Variants in SNX5 observed in about 807,000 individuals in gnomAD.
The protein encoded by SNX5 is sorting nexin-5.
SNX5 carries 31 observed loss-of-function variants against 53.9 expected under a neutral mutation model. That is an observed-to-expected ratio of 0.58 (90% CI 0.43 to 0.78). SNX5 has a LOEUF of 0.78. Ranked by LOEUF, SNX5 falls within the 30% of genes least tolerant of loss-of-function variation. The pLI, the probability that SNX5 is intolerant of heterozygous loss-of-function variation, is 0.00. For synonymous variants in SNX5, 168 were observed against 171.1 expected (o/e 0.98, Z 0.14); for missense variants, 471 against 478.8 (o/e 0.98, Z 0.15).
chr20:17,960,199 G>A (rs1279114153), intron 1 of SNX5, among the ~76,000 whole-genome samples: 1 of 152,126 alleles, frequency 6.6e-6, no homozygotes, highest in African/African-American at 2.4e-5. Context: ...GGTGGCTCAC[G>A]CCTGCAATCC....
chr20:17,946,079 A>G (rs1600332408), intron 11 of SNX5, among the ~76,000 whole-genome samples: 1 of 152,204 alleles, frequency 6.6e-6, no homozygotes, highest in East Asian at 1.9e-4. Flanking sequence ...CCTCTTAGGT[A>G]AGGACTACAT....
At chr20:17,962,738 T>C (rs750092711) in intron 1 of SNX5, 5 of 519,076 alleles carry the variant, frequency 9.6e-6, no homozygotes, top group African/African-American at 5.8e-5. Context: ...CTCATCTTTG[T>C]GAGATGGGTC....
chr20:17,953,251 C>T (rs1329792468), intron 4 of SNX5, among the ~76,000 whole-genome samples: 4 of 152,022 alleles, frequency 2.6e-5, no homozygotes, highest in Admixed American at 6.6e-5. Flanking sequence ...GAGTGCTGCC[C>T]TAGATGACAC....
rs767551520 is a variant in SNX5, at chr20:17,968,481, G to GGCCGCC, written c.-62_-57dup. On this transcript the variant is annotated 5_prime_UTR_variant, in exon 1 of 13. Transcript: ENST00000377759. The stretch of plus-strand genomic sequence containing the variant: ...GGCTGTGCGAGGAAAGAAGAAGCTG[G>GGCCGCC]GCCGCCGCCGCCGCCGCCTGGGCGC... 7.9e-5 allele frequency: 101 copies of GGCCGCC among 1,283,318 alleles called. No individual in the cohort carries two copies. The highest frequency in any genetic ancestry group is 3.0e-4 in the Middle Eastern group (1 of 3,364). The allele number at this position is 1,283,318 out of a possible 1,614,324, so 79.5% of individuals were successfully genotyped here.
In SNX5 at chr20:17,947,558, C is replaced by T. The variant is rs116425682; in HGVS notation, c.1006G>A (p.Val336Ile). 8.7e-4 allele frequency: 1,409 copies of T among 1,613,958 alleles called. 9 individuals are homozygous for T. The African/African-American group carries it at 0.016, about 19-fold the overall frequency. ...TGCTGGTGTGCCTCAGCCAACTTGA[C>T]GTCTTTGCTCTTTAACCGGGCCTTA... ...LDKARLKSKD[V>I]KLAEAHQQEC... Residue 336 changes from valine to isoleucine, a missense_variant, in exon 11 of 13, where the codon GTC becomes ATC. Val to Ile is a conservative substitution (Grantham distance 29). Transcript: ENST00000377759.
At position 17,968,514 on chromosome 20, in the gene SNX5, G is replaced by A. The variant is rs1244905880; in HGVS notation, c.-89C>T. The A allele has an allele frequency of 8.4e-7, 1 of 1,189,770 alleles. No homozygotes were observed. Among genetic ancestry groups the A allele is most frequent in the Non-Finnish European group, 1.1e-6 (1 of 924,504 alleles). The allele number at this position is 1,189,770 out of a possible 1,614,324, so 73.7% of individuals were successfully genotyped here. A position where few individuals can be genotyped will look rare whatever the true frequency, so the allele number is the denominator to read the frequency against. On this transcript the variant is annotated 5_prime_UTR_variant, in exon 1 of 13. Transcript: ENST00000377759. ...CCGCCGCCGCCTGGGCGCCTCTCGG[G>A]GGCGGCCACGGCCCCGCCTCCGCCG...
At chr20:17,946,766 A>G (rs1250927998) in intron 11 of SNX5, among the ~76,000 whole-genome samples, 1 of 152,204 alleles carries the variant, frequency 6.6e-6, no homozygotes, top group Non-Finnish European at 1.5e-5. Context: ...GCATGGTCTT[A>G]AATTGCCTCA....
In SNX5 at chr20:17,950,209, T is replaced by C. The variant is rs1568590138; in HGVS notation, c.716-2A>G. ...TGTGGATATAGTCATCGGCAACATC[T>C]GCAGAAACAAGGACAAGTCTTTTTA... On this transcript the variant is annotated splice_acceptor_variant, in intron 7 of 12. Coordinates refer to ENST00000377759, the MANE Select transcript of SNX5 (RefSeq NM_014426.4). LOFTEE classifies it high-confidence loss of function. The C allele has an allele frequency of 6.2e-7, 1 of 1,614,060 alleles. No homozygotes were observed. Among genetic ancestry groups the C allele is most frequent in the South Asian group, 1.1e-5 (1 of 91,088 alleles).
At chr20:17,944,660 C>A (rs2039462485) in intron 11 of SNX5, 1 of 152,194 alleles carries the variant, frequency 6.6e-6, no homozygotes, top group Admixed American at 6.5e-5. Context: ...ATTCTCCTGC[C>A]TCAGCCTCCC....
chr20:17,950,761 G>T (rs1453953125), intron 6 of SNX5, among the ~76,000 whole-genome samples: 1 of 152,184 alleles, frequency 6.6e-6, no homozygotes, highest in African/African-American at 2.4e-5. Context: ...GTTTCAGACT[G>T]GGAGGAAATC....
At chr20:17,968,251 G>A (rs6111762) in intron 1 of SNX5, 124 bp downstream of exon 1, 227,329 of 795,088 alleles carry the variant, frequency 0.29, 34,319 homozygotes, top group South Asian at 0.42. Context: ...GGTCTCACGG[G>A]TGCTTCCCGC....
At chr20:17,965,255 T>C (rs1238684491) in intron 1 of SNX5, among the ~76,000 whole-genome samples, 1 of 152,146 alleles carries the variant, frequency 6.6e-6, no homozygotes, top group Non-Finnish European at 1.5e-5. Flanking sequence ...CCAAAAACAG[T>C]TGCTTCACAT....
chr20:17,943,440 A>T (rs943943967), intron 11 of SNX5: 5 of 459,370 alleles, frequency 1.1e-5, no homozygotes, highest in South Asian at 4.6e-5. Context: ...GTGGGAGAGC[A>T]GCAGCTTATG....
At chr20:17,962,184 A>G (rs1426235932) in intron 1 of SNX5, 1 of 162,146 alleles carries the variant, frequency 6.2e-6, no homozygotes, top group Non-Finnish European at 1.3e-5. Flanking sequence ...ACTATAAGCA[A>G]TATATTAACT....
At chr20:17,955,291 GAT>G in intron 3 of SNX5, 72 bp downstream of exon 3, 1 of 1,010,944 alleles carries the variant, frequency 9.9e-7, no homozygotes, top group Non-Finnish European at 1.5e-6. Flanking sequence ...AAAAAAAGTG[GAT>G]ATAAGTCTCT....
chr20:17,961,987 A>G, intron 1 of SNX5: 6 of 976,702 alleles, frequency 6.1e-6, no homozygotes, highest in Non-Finnish European at 7.3e-6. Flanking sequence ...AAAGATTCAC[A>G]TGATACATAT....
At chr20:17,957,216 A>T (rs1451495831) in intron 1 of SNX5, among the ~76,000 whole-genome samples, 179 bp from the exon 2 acceptor site, 1 of 152,044 alleles carries the variant, frequency 6.6e-6, no homozygotes, top group East Asian at 1.9e-4. Context: ...CGGGTGGTTC[A>T]CAGGGTCAGG....
chr20:17,943,232 A>T, intron 11 of SNX5, 37 bp from the exon 12 acceptor site: 1 of 1,365,828 alleles, frequency 7.3e-7, no homozygotes, highest in South Asian at 1.2e-5. Flanking sequence ...ACCAAGAAAA[A>T]CTAAACAATT....
Position 17,968,443 on chromosome 20 carries a change from G to A in SNX5, c.-18C>T. 4 of 1,289,890 alleles carry A rather than the reference G, an allele frequency of 3.1e-6. No individual in the cohort carries two copies. Among genetic ancestry groups the A allele is most frequent in the Non-Finnish European group, 3.9e-6 (4 of 1,016,294 alleles). The allele number at this position is 1,289,890 out of a possible 1,614,324, so 79.9% of individuals were successfully genotyped here. On this transcript the variant is annotated 5_prime_UTR_variant, in exon 1 of 13. Coordinates refer to ENST00000377759, the MANE Select transcript of SNX5 (RefSeq NM_014426.4). Reference sequence around the variant, plus strand: ...GCGGCCATGGCGACGCGGGACTCGAGCAGGGGCCGCCTGGCTGTGCGAGGA... The same window carrying A: ...GCGGCCATGGCGACGCGGGACTCGAACAGGGGCCGCCTGGCTGTGCGAGGA...
Sources: gnomAD v4.1 joint callset for allele counts (sites outside exome capture counted in the v4.1 genomes callset) on GRCh38, gnomAD v4.1.1 for gene constraint, MANE v1.5 for transcripts, NCBI Gene and HGNC (gene_info 2026-07-23, HGNC 2026-07-21) for gene names.